ARHGAP12: variants seen among roughly 807,000 people sequenced by gnomAD.
ARHGAP12 encodes the protein rho GTPase-activating protein 12.
A neutral mutation model predicts 108.6 loss-of-function variants in ARHGAP12; 64 were observed. The ratio of observed to expected loss-of-function variants is 0.59; its 90% CI spans 0.48 to 0.73. The LOEUF is 0.73. Ranked by LOEUF, ARHGAP12 falls within the 30% of genes least tolerant of loss-of-function variation. The pLI is 0.00. For synonymous variants in ARHGAP12, 312 were observed against 337.2 expected (o/e 0.93, Z 0.82); for missense variants, 940 against 1,005.9 (o/e 0.93, Z 0.89).
At chr10:31,852,644 A>C in intron 5 of ARHGAP12, 47 bp from the exon 6 acceptor site, 1 of 1,295,090 alleles carries the variant, frequency 7.7e-7, no homozygotes, top group Non-Finnish European at 1.1e-6. Context: ...AATAAAAGTG[A>C]GTTTAAGCTA....
At chr10:31,827,249 T>A (rs1835650070) in intron 10 of ARHGAP12, among the ~76,000 whole-genome samples, 1 of 152,220 alleles carries the variant, frequency 6.6e-6, no homozygotes, top group Non-Finnish European at 1.5e-5. Context: ...TATGTAAATG[T>A]TTCTCTCTCA....
intron 14 of ARHGAP12, among the ~76,000 whole-genome samples, 192 bp downstream of exon 14, chr10:31,814,067 G>T (rs1365835320): frequency 6.6e-6 from 1 of 152,180 alleles, no homozygotes; most frequent in African/African-American, 2.4e-5. Context: ...TGCATACTAT[G>T]AGGCTGAAAA....
intron 3 of ARHGAP12, among the ~76,000 whole-genome samples, chr10:31,882,831 A>G (rs1274922360): frequency 6.6e-6 from 1 of 151,584 alleles, no homozygotes; most frequent in Non-Finnish European, 1.5e-5. Context: ...AAAAAAAAAA[A>G]AAAAAACAGA....
chr10:31,820,261 C>G, intron 12 of ARHGAP12, 126 bp downstream of exon 12: 1 of 628,706 alleles, frequency 1.6e-6, no homozygotes, highest in Non-Finnish European at 2.5e-6. Context: ...ACAATACCAT[C>G]TAACTTAATC....
At chr10:31,815,685 G>T (rs1246347398) in intron 13 of ARHGAP12, among the ~76,000 whole-genome samples, 1 of 152,088 alleles carries the variant, frequency 6.6e-6, no homozygotes, top group East Asian at 1.9e-4. Flanking sequence ...TTACATTATT[G>T]AATCTTTAAA....
At chr10:31,817,686 C>T (rs2132159814) in intron 13 of ARHGAP12, 102 bp downstream of exon 13, 1 of 705,142 alleles carries the variant, frequency 1.4e-6, no homozygotes, top group Non-Finnish European at 2.3e-6. Context: ...ATATAAAGTG[C>T]CTTTTCACAT....
intron 3 of ARHGAP12, among the ~76,000 whole-genome samples, chr10:31,893,374 G>T (rs1283664217): frequency 6.6e-6 from 1 of 152,034 alleles, no homozygotes; most frequent in Admixed American, 6.6e-5. Context: ...ACAAAAGAGA[G>T]AAGAATCAAA....
intron 3 of ARHGAP12, among the ~76,000 whole-genome samples, chr10:31,905,499 G>A (rs1020947093): frequency 6.6e-6 from 1 of 152,202 alleles, no homozygotes; most frequent in Non-Finnish European, 1.5e-5. Flanking sequence ...TATCATGTGA[G>A]TGGGAAATGA....
intron 1 of ARHGAP12, among the ~76,000 whole-genome samples, chr10:31,926,952 A>C (rs968546811): frequency 1.4e-4 from 22 of 152,264 alleles, no homozygotes; most frequent in African/African-American, 5.3e-4. Context: ...TTATCTTAAC[A>C]ATCAATGAGT....
At chr10:31,875,466 G>C (rs1837694524) in intron 3 of ARHGAP12, among the ~76,000 whole-genome samples, 1 of 152,168 alleles carries the variant, frequency 6.6e-6, no homozygotes, top group Admixed American at 6.5e-5. Flanking sequence ...GTTCCCACAA[G>C]CAAGTTCTCC....
At chr10:31,833,960 T>C (rs1161406878) in intron 9 of ARHGAP12, among the ~76,000 whole-genome samples, 1 of 152,132 alleles carries the variant, frequency 6.6e-6, no homozygotes, top group Non-Finnish European at 1.5e-5. Flanking sequence ...CCAACTAGAA[T>C]ACTATTTTAA....
At chr10:31,831,690 A>G (rs766844653) in intron 10 of ARHGAP12, 49 bp downstream of exon 10, 5 of 1,289,538 alleles carry the variant, frequency 3.9e-6, no homozygotes, top group Non-Finnish European at 5.5e-6. Flanking sequence ...AGAATTTTTA[A>G]TTTATTTCAG....
chr10:31,867,479 T>A (rs1837370332), intron 3 of ARHGAP12, among the ~76,000 whole-genome samples: 1 of 152,194 alleles, frequency 6.6e-6, no homozygotes, highest in South Asian at 2.1e-4. Flanking sequence ...CCAAACTAAT[T>A]TTTACATATG....
At position 31,820,515 on chromosome 10, in the gene ARHGAP12, C is replaced by T. The variant is rs768157240; in HGVS notation, c.1531-27G>A. 3.4e-6 allele frequency: 5 copies of T among 1,481,988 alleles called. No homozygotes were observed. In the South Asian group the frequency reaches 6.4e-5, roughly 19 times the overall value. 91.8% of individuals were successfully genotyped at this position (1,481,988 alleles called of 1,614,324 possible). On this transcript the variant is annotated intron_variant, in intron 11 of 19. Coordinates refer to ENST00000344936, the MANE Select transcript of ARHGAP12 (RefSeq NM_018287.7). ...TTCATTTTTGAAAAAGAAAAAAAACCTTCATGTGATACTCACATATATGTG... is the reference window on the plus strand; with the variant it reads ...TTCATTTTTGAAAAAGAAAAAAAACTTTCATGTGATACTCACATATATGTG...
At chr10:31,924,548 ATGT>A (rs1369536437) in intron 1 of ARHGAP12, among the ~76,000 whole-genome samples, 3 of 152,206 alleles carry the variant, frequency 2.0e-5, no homozygotes, top group Non-Finnish European at 2.9e-5. Flanking sequence ...AGATTCACTC[ATGT>A]TGTCTCCATA....
chr10:31,846,081 T>C (rs932059964), intron 6 of ARHGAP12, among the ~76,000 whole-genome samples: 1 of 152,172 alleles, frequency 6.6e-6, no homozygotes, highest in Non-Finnish European at 1.5e-5. Context: ...GATTACAATA[T>C]ACATAATTTA....
At chr10:31,867,608 T>C (rs561411487) in intron 3 of ARHGAP12, among the ~76,000 whole-genome samples, 49 of 152,292 alleles carry the variant, frequency 3.2e-4, no homozygotes, top group African/African-American at 1.1e-3. Flanking sequence ...AGGTGGGATG[T>C]AACAACTCTA....
chr10:31,861,314 A>C (rs977156693), intron 4 of ARHGAP12, 81 bp downstream of exon 4: 1 of 1,489,256 alleles, frequency 6.7e-7, no homozygotes, highest in African/African-American at 1.4e-5. Flanking sequence ...AGTAAGAAAC[A>C]AAACTATTTA....
At chr10:31,828,167 A>G (rs951438325) in intron 10 of ARHGAP12, among the ~76,000 whole-genome samples, 1 of 150,546 alleles carries the variant, frequency 6.6e-6, no homozygotes, top group Non-Finnish European at 1.5e-5. Flanking sequence ...GAACTTTGCT[A>G]CTGATATCCC....
Sources: allele counts gnomAD v4.1 joint callset (sites outside exome capture counted in the v4.1 genomes callset), GRCh38; gene constraint gnomAD v4.1.1; transcripts MANE v1.5; gene names NCBI Gene and HGNC (gene_info 2026-07-23, HGNC 2026-07-21).